The following SLC35D4 variants were observed in gnomAD, a reference collection of about 807,000 sequenced individuals.
SLC35D4 encodes the protein UDP-N-acetylglucosamine transporter SLC35D4.
the SLC35D4 span, among the ~76,000 whole-genome samples, chr18:23,414,544 C>T: frequency 6.6e-6 from 1 of 151,398 alleles, no homozygotes; most frequent in African/African-American, 2.4e-5. Flanking sequence ...GTGGTGGTGC[C>T]CACCTGTAAT....
chr18:23,253,168 G>T, the SLC35D4 span: 2 of 692,182 alleles, frequency 2.9e-6, no homozygotes, highest in Non-Finnish European at 5.2e-6. Flanking sequence ...TGGTTCCAGT[G>T]ATTGAGTCAT....
chr18:23,370,156 G>A, the SLC35D4 span: 9 of 1,462,264 alleles, frequency 6.2e-6, no homozygotes, highest in Non-Finnish European at 6.5e-6. Context: ...TCCAGATCAC[G>A]CCATTGCACT....
the SLC35D4 span, among the ~76,000 whole-genome samples, chr18:23,405,868 C>T: frequency 6.6e-6 from 1 of 152,184 alleles, no homozygotes; most frequent in East Asian, 1.9e-4. Flanking sequence ...TGGGGTCAGA[C>T]CTTTCAATAG....
chr18:23,252,817 C>T, the SLC35D4 span: 2 of 572,438 alleles, frequency 3.5e-6, no homozygotes, highest in South Asian at 4.0e-5. Flanking sequence ...CTCCTGGATT[C>T]CGCCGAGCCC....
the SLC35D4 span, among the ~76,000 whole-genome samples, chr18:23,335,786 G>A: frequency 6.4e-3 from 979 of 152,238 alleles, 10 homozygotes; most frequent in African/African-American, 0.023. Context: ...AGAGGAGGCC[G>A]TGCAAATATT....
chr18:23,343,668 A>T, the SLC35D4 span, among the ~76,000 whole-genome samples: 1 of 152,168 alleles, frequency 6.6e-6, no homozygotes, highest in Non-Finnish European at 1.5e-5. Flanking sequence ...TACCCAGGTA[A>T]TAAGAATAGT....
At chr18:23,361,103 C>CAAAAAAAAAAAAAAA in the SLC35D4 span, among the ~76,000 whole-genome samples, 28 of 94,098 alleles carry the variant, frequency 3.0e-4, no homozygotes, top group South Asian at 4.1e-4. Flanking sequence ...GACTTTGTCT[C>CAAAAAAAAAAAAAAA]AAAAAAAAAA....
the SLC35D4 span, among the ~76,000 whole-genome samples, chr18:23,358,086 G>A: frequency 6.6e-6 from 1 of 152,288 alleles, no homozygotes; most frequent in Admixed American, 6.5e-5. Context: ...CTAGAGAGTG[G>A]CCAGAGCCCT....
the SLC35D4 span, among the ~76,000 whole-genome samples, chr18:23,240,398 A>T: frequency 6.6e-6 from 1 of 152,208 alleles, no homozygotes; most frequent in Non-Finnish European, 1.5e-5. Context: ...ACAAATGATG[A>T]TGCCGACAAA....
chr18:23,436,212 G>C, the SLC35D4 span, among the ~76,000 whole-genome samples: 4 of 151,794 alleles, frequency 2.6e-5, no homozygotes, highest in South Asian at 2.1e-4. Flanking sequence ...ATTTTCAGTA[G>C]AGACGGGGTT....
the SLC35D4 span, among the ~76,000 whole-genome samples, chr18:23,411,762 G>A: frequency 6.6e-6 from 1 of 152,134 alleles, no homozygotes; most frequent in Admixed American, 6.6e-5. Flanking sequence ...TAAGAACCCT[G>A]ATGAACAAAG....
the SLC35D4 span, among the ~76,000 whole-genome samples, chr18:23,364,933 A>AAAAAAATAAT: frequency 1.3e-4 from 2 of 15,794 alleles, 1 homozygote; most frequent in Non-Finnish European, 2.3e-4. Flanking sequence ...AAAAAAAAAA[A>AAAAAAATAAT]GGACTCCTTT....
At chr18:23,292,276 C>G in the SLC35D4 span, among the ~76,000 whole-genome samples, 3 of 152,212 alleles carry the variant, frequency 2.0e-5, no homozygotes, top group Non-Finnish European at 4.4e-5. Flanking sequence ...TCTGAACATG[C>G]CATTGCCTGC....
chr18:23,352,261 T>C, the SLC35D4 span: 1 of 1,609,202 alleles, frequency 6.2e-7, no homozygotes, highest in Non-Finnish European at 8.5e-7. Context: ...TTCACTGTAC[T>C]GAACATGAGA....
At chr18:23,262,699 G>T in the SLC35D4 span, among the ~76,000 whole-genome samples, 2 of 152,232 alleles carry the variant, frequency 1.3e-5, no homozygotes, top group African/African-American at 4.8e-5. Context: ...GATTCCCCAG[G>T]TGGGCCCAGG....
the SLC35D4 span, among the ~76,000 whole-genome samples, chr18:23,414,229 G>T: frequency 6.6e-6 from 1 of 151,354 alleles, no homozygotes; most frequent in Non-Finnish European, 1.5e-5. Flanking sequence ...ACTCCAGCCT[G>T]AGCAACAGAG....
the SLC35D4 span, among the ~76,000 whole-genome samples, chr18:23,381,522 C>T: frequency 6.6e-6 from 1 of 152,120 alleles, no homozygotes; most frequent in Non-Finnish European, 1.5e-5. Context: ...GTATTTTCTA[C>T]AACATCTTAA....
the SLC35D4 span, among the ~76,000 whole-genome samples, chr18:23,243,181 G>C: frequency 1.3e-5 from 2 of 152,044 alleles, no homozygotes; most frequent in African/African-American, 2.4e-5. Flanking sequence ...GGAAGCTAAT[G>C]CAAGACCCTT....
chr18:23,294,502 C>A, the SLC35D4 span, among the ~76,000 whole-genome samples: 1 of 152,292 alleles, frequency 6.6e-6, no homozygotes. Context: ...GACAAAACAC[C>A]TTATCCTCTG....
Sources: gnomAD v4.1 joint callset for allele counts (sites outside exome capture counted in the v4.1 genomes callset) on GRCh38, gnomAD v4.1.1 for gene constraint, MANE v1.5 for transcripts, NCBI Gene and HGNC (gene_info 2026-07-23, HGNC 2026-07-21) for gene names.